Variants in DCC observed in about 807,000 individuals in gnomAD.
DCC encodes netrin receptor DCC.
A neutral mutation model predicts 172.5 loss-of-function variants in DCC; 58 were observed. The ratio of observed to expected loss-of-function variants is 0.34; its 90% confidence interval spans 0.27 to 0.42. DCC has a LOEUF of 0.42. Among genes scored for constraint, DCC ranks in the 10% least tolerant of loss-of-function variants. DCC has a pLI of 1.00. For synonymous variants in DCC, 709 were observed against 644.5 expected, an observed-to-expected ratio of 1.10 and a Z score of -1.52; for missense variants, 1,740 against 1,791.0, an observed-to-expected ratio of 0.97 and a Z score of 0.51.
intron 3 of DCC, among the ~76,000 whole-genome samples, chr18:52,920,403 C>T (rs890904131): frequency 1.3e-5 from 2 of 151,948 alleles, no homozygotes; most frequent in African/African-American, 4.8e-5. Context: ...ACAGACACCT[C>T]ACCAAGGAAT....
rs569211501 is a variant in DCC, at chr18:52,858,136, A to G, written c.413-47908A>G. ...ATTGTCTGTTCATGCAGTAGTTGAC[A>G]TTTACTGCATACAGCAATCACTTTC... On this transcript the variant is annotated intron_variant, in intron 2 of 28. Coordinates refer to ENST00000442544, the MANE Select transcript of DCC (RefSeq NM_005215.4). Among the ~76,000 whole-genome samples, 88 of 152,320 alleles carry G rather than the reference A, an allele frequency of 5.8e-4. 1 individual carries two copies. Among genetic ancestry groups the G allele is most frequent in the Admixed American group, 2.4e-3 (37 of 15,300 alleles).
rs147551993 is a variant in DCC at position 53,391,418 on chromosome 18, A to C, written c.2456-237A>C. Among the ~76,000 whole-genome samples, 3 of 152,342 alleles carry C rather than the reference A, an allele frequency of 2.0e-5. No homozygotes were observed. The East Asian group carries it at 5.8e-4, about 29-fold the overall frequency. ...ACAGTCAAATTGATAAAACCACTCT[A>C]AGAGAATGAGTAAATTATAGAAAAT... is the stretch of plus-strand genomic sequence containing the variant. On this transcript the variant is annotated intron_variant, in intron 16 of 28. Transcript: ENST00000442544.
chr18:53,447,384 A>C (rs1032616676), intron 22 of DCC, among the ~76,000 whole-genome samples: 1 of 152,190 alleles, frequency 6.6e-6, no homozygotes, highest in Non-Finnish European at 1.5e-5. Context: ...TTTATGAGGA[A>C]GTCATAAAGG....
At chr18:52,375,552 A>G (rs1985312851) in intron 1 of DCC, among the ~76,000 whole-genome samples, 2 of 152,216 alleles carry the variant, frequency 1.3e-5, no homozygotes, top group African/African-American at 4.8e-5. Context: ...TAAGTGTTTA[A>G]CACAGAAGTA....
At chr18:52,482,782 A>C (rs1391215114) in intron 1 of DCC, among the ~76,000 whole-genome samples, 1 of 152,092 alleles carries the variant, frequency 6.6e-6, no homozygotes, top group Non-Finnish European at 1.5e-5. Flanking sequence ...GCCAATTCTT[A>C]ACTTGCTGCA....
chr18:53,246,302 TC>T (rs2049211703), intron 12 of DCC, among the ~76,000 whole-genome samples: 2 of 152,054 alleles, frequency 1.3e-5, no homozygotes, highest in African/African-American at 4.8e-5. Flanking sequence ...TTACTCACTT[TC>T]TTTCAAATGT....
At position 52,729,292 on chromosome 18, in the gene DCC, C is replaced by T. The variant is rs143490306; in HGVS notation, c.92-22762C>T. ...TATTTATTTGAGACAGAGAGTCTTGCTCTGTCACCCAGGCTGGAGTGCAGT... is the reference window on the plus strand; with the variant it reads ...TATTTATTTGAGACAGAGAGTCTTGTTCTGTCACCCAGGCTGGAGTGCAGT... On this transcript the variant is annotated intron_variant, in intron 1 of 28. Transcript: ENST00000442544. Among the ~76,000 whole-genome samples, 1,048 of 152,234 alleles carry T rather than the reference C, an allele frequency of 6.9e-3. 11 individuals carry two copies. The highest frequency in any genetic ancestry group is 0.024 in the Middle Eastern group (7 of 294).
chr18:53,229,445 C>T (rs1480088973), intron 12 of DCC, among the ~76,000 whole-genome samples: 1 of 152,108 alleles, frequency 6.6e-6, no homozygotes, highest in Admixed American at 6.6e-5. Flanking sequence ...AAATATGTTA[C>T]ATGTAACAGT....
chr18:52,507,508 A>G (rs966233159), intron 1 of DCC, among the ~76,000 whole-genome samples: 4 of 152,208 alleles, frequency 2.6e-5, no homozygotes, highest in Non-Finnish European at 5.9e-5. Context: ...GAAAACTTCC[A>G]AAGAAACAGC....
At chr18:52,860,527 T>G (rs1042979890) in intron 2 of DCC, among the ~76,000 whole-genome samples, 2 of 152,244 alleles carry the variant, frequency 1.3e-5, no homozygotes, top group Non-Finnish European at 2.9e-5. Context: ...TAAAAACATA[T>G]GTACTACAGT....
chr18:53,361,075 A>C (rs989546152), intron 15 of DCC, among the ~76,000 whole-genome samples: 4 of 152,158 alleles, frequency 2.6e-5, no homozygotes, highest in African/African-American at 7.2e-5. Flanking sequence ...TGATGTGTCC[A>C]TATAAGAGGC....
chr18:52,705,876 G>T (rs142142598), intron 1 of DCC, among the ~76,000 whole-genome samples: 1 of 152,130 alleles, frequency 6.6e-6, no homozygotes, highest in Non-Finnish European at 1.5e-5. Flanking sequence ...TCTGTCATAC[G>T]ATTTGATGCC....
At chr18:53,498,008 A>G (rs1328434135) in intron 26 of DCC, among the ~76,000 whole-genome samples, 1 of 152,154 alleles carries the variant, frequency 6.6e-6, no homozygotes, top group African/African-American at 2.4e-5. Flanking sequence ...CCAACCTTGT[A>G]TCTATCTTTC....
chr18:53,222,086 A>C (rs1472145345), intron 12 of DCC, among the ~76,000 whole-genome samples: 1 of 152,200 alleles, frequency 6.6e-6, no homozygotes, highest in Non-Finnish European at 1.5e-5. Flanking sequence ...TTGAAGTTCC[A>C]AAAACTCAAC....
intron 1 of DCC, among the ~76,000 whole-genome samples, chr18:52,447,607 G>C (rs1205214163): frequency 1.3e-5 from 2 of 152,126 alleles, no homozygotes; most frequent in Non-Finnish European, 1.5e-5. Context: ...CTGAGACTGG[G>C]TAATTTATAA....
At chr18:53,157,207 C>A in intron 7 of DCC, 149 bp from the exon 8 acceptor site, 1 of 905,940 alleles carries the variant, frequency 1.1e-6, no homozygotes, top group Non-Finnish European at 1.8e-6. Flanking sequence ...ATTCCATTTA[C>A]TGTGTGCATT....
chr18:52,836,516 C>A (rs1213115280), intron 2 of DCC, among the ~76,000 whole-genome samples: 1 of 152,170 alleles, frequency 6.6e-6, no homozygotes, highest in African/African-American at 2.4e-5. Flanking sequence ...GTGGCCAAAA[C>A]AAAGGAGCTA....
intron 3 of DCC, among the ~76,000 whole-genome samples, chr18:52,914,344 G>A (rs959467799): frequency 3.3e-5 from 5 of 152,058 alleles, no homozygotes; most frequent in African/African-American, 4.8e-5. Flanking sequence ...CCTTTCTTCC[G>A]CCAGACTCTA....
intron 16 of DCC, 125 bp from the exon 17 acceptor site, chr18:53,391,530 G>A (rs909743937): frequency 1.4e-6 from 1 of 710,268 alleles, no homozygotes; most frequent in Admixed American, 2.0e-5. Flanking sequence ...TTCTTCTCAT[G>A]TTCCCTTTCA....
Sources: allele counts gnomAD v4.1 joint callset (sites outside exome capture counted in the v4.1 genomes callset), GRCh38; gene constraint gnomAD v4.1.1; transcripts MANE v1.5; gene names NCBI Gene and HGNC (gene_info 2026-07-23, HGNC 2026-07-21).